The following SATB1 variants were observed in gnomAD, a reference collection of about 807,000 sequenced individuals.
The protein encoded by SATB1 is SATB homeobox 1.
In SATB1, 11 loss-of-function variants were observed where a neutral mutation model predicts 86.9. The observed-to-expected ratio is 0.13, with a 90% CI of 0.08 to 0.21. The LOEUF (loss-of-function observed/expected upper bound fraction) is 0.21. Among genes scored for constraint, SATB1 ranks in the 10% least tolerant of loss-of-function variants. SATB1 has a pLI of 1.00. For missense variants in SATB1, 551 were observed against 937.6 expected (o/e 0.59, Z 5.39); for synonymous variants, 357 against 357.2 (o/e 1.00, Z 0.01).
intron 5 of SATB1, among the ~76,000 whole-genome samples, chr3:18,409,987 C>T (rs1254109673): frequency 2.0e-5 from 3 of 151,986 alleles, no homozygotes; most frequent in Non-Finnish European, 2.9e-5. Context: ...CATAATTATG[C>T]CTACTGGTCT....
intron 9 of SATB1, among the ~76,000 whole-genome samples, chr3:18,375,008 G>C (rs1364695249): frequency 6.6e-6 from 1 of 152,094 alleles, no homozygotes; most frequent in Non-Finnish European, 1.5e-5. Flanking sequence ...GGCCTCCTTT[G>C]ACTCCTCCAC....
At chr3:18,413,125 C>G (rs1429325579) in intron 5 of SATB1, among the ~76,000 whole-genome samples, 3 of 152,140 alleles carry the variant, frequency 2.0e-5, no homozygotes, top group Admixed American at 1.3e-4. Flanking sequence ...GAAAACCTCT[C>G]TCTATAGAAA....
intron 1 of SATB1, chr3:18,421,492 CAT>C (rs891057280): frequency 2.0e-5 from 3 of 151,982 alleles, no homozygotes; most frequent in African/African-American, 7.3e-5. Context: ...ATGAAAAAAA[CAT>C]AAACCATCTC....
upstream of SATB1, among the ~76,000 whole-genome samples, chr3:18,429,077 G>C (rs189591311): frequency 2.0e-3 from 298 of 152,136 alleles, 1 homozygote; most frequent in Non-Finnish European, 2.8e-3. This position sits in a 1 kb window ranked among gnomAD's most constrained non-coding sequence, Gnocchi z 4.1. Context: ...AATTTATGTA[G>C]CATATTGCTC....
Position 18,345,387 on chromosome 3 carries a change from T to G in SATB1, c.*3783A>C, listed in dbSNP as rs1694001892. On this transcript the variant is annotated 3_prime_UTR_variant, in exon 11 of 11. Transcript: ENST00000338745. Reference sequence around the variant, plus strand: ...AAAATGTGGCTCATCTTTTAAACATTAATTTCAAACTATTTTTATTTAACA... The same window carrying G: ...AAAATGTGGCTCATCTTTTAAACATGAATTTCAAACTATTTTTATTTAACA... 6.6e-6 allele frequency: 1 copy of G among 152,110 alleles called. No individual in the cohort carries two copies. Among genetic ancestry groups the G allele is most frequent in the Admixed American group, 6.6e-5 (1 of 15,266 alleles). 9.4% of individuals were successfully genotyped at this position (152,110 alleles called of 1,614,324 possible).
At chr3:18,387,907 T>C (rs1324634027) in intron 7 of SATB1, among the ~76,000 whole-genome samples, 2 of 152,164 alleles carry the variant, frequency 1.3e-5, no homozygotes, top group Non-Finnish European at 2.9e-5. Flanking sequence ...AATTTAAAGA[T>C]AATGTACCAT....
intron 2 of SATB1, chr3:18,434,872 A>T (rs1019502624): frequency 6.6e-6 from 1 of 152,150 alleles, no homozygotes; most frequent in African/African-American, 2.4e-5. Context: ...AAATAAAAAA[A>T]AAAAATAACC....
chr3:18,374,722 C>T (rs539957165), intron 9 of SATB1, among the ~76,000 whole-genome samples: 13 of 152,258 alleles, frequency 8.5e-5, no homozygotes, highest in African/African-American at 2.6e-4. Flanking sequence ...ACCGAAAATA[C>T]ACTGTGCATT....
chr3:18,433,693 AT>A (rs950738286), intron 2 of SATB1, among the ~76,000 whole-genome samples: 1 of 152,096 alleles, frequency 6.6e-6, no homozygotes, highest in Non-Finnish European at 1.5e-5. Context: ...ACATATATTT[AT>A]TATGTGTAAA....
chr3:18,440,875 TTAATA>T (rs1445373126), upstream of SATB1, among the ~76,000 whole-genome samples: 1 of 152,164 alleles, frequency 6.6e-6, no homozygotes, highest in South Asian at 2.1e-4. Context: ...AAATGAATAC[TTAATA>T]TAATAAGCAC....
In SATB1 at chr3:18,420,825, G is replaced by A; in HGVS notation, c.143C>T (p.Thr48Ile). ...AGGCACTCCCTGCATTTTTGCACCT[G>A]TACTCCCAAGCCTTCCTCTTCCTAG... ...SPLGRGRLGSTGAKMQGVPLK... is the reference protein window; with the variant it reads ...SPLGRGRLGSIGAKMQGVPLK... Residue 48 changes from threonine to isoleucine, a missense_variant, in exon 2 of 11, where the codon ACA (threonine) becomes ATA (isoleucine). Thr to Ile is a moderately conservative substitution (Grantham distance 89). Transcript: ENST00000338745. 1 of 1,614,130 alleles carries A rather than the reference G, an allele frequency of 6.2e-7. No individual in the cohort carries two copies. Among genetic ancestry groups the A allele is most frequent in the Non-Finnish European group, 8.5e-7 (1 of 1,180,030 alleles).
Position 18,444,640 on chromosome 3 carries a change from C to G in SATB1, c.-25+878G>C. 1 of 983,512 alleles carries G rather than the reference C, an allele frequency of 1.0e-6. No homozygotes were observed. Among genetic ancestry groups the G allele is most frequent in the Non-Finnish European group, 1.2e-6 (1 of 829,480 alleles). The allele number at this position is 983,512 out of a possible 1,614,324, so 60.9% of individuals were successfully genotyped here. On this transcript the variant is annotated intron_variant, in intron 1 of 3. Coordinates refer to the SATB1 transcript ENST00000415069. The surrounding 1 kb of genome is among the most constrained non-coding windows in gnomAD (Gnocchi z 5.1). The stretch of plus-strand genomic sequence containing the variant: ...GGACGTTGGGGGCGGCGGTGGCTGT[C>G]GAGTGCGGGCCTGAAACCAAGAACG...
intron 9 of SATB1, among the ~76,000 whole-genome samples, chr3:18,356,049 G>A (rs1262889848): frequency 1.3e-5 from 2 of 151,650 alleles, no homozygotes; most frequent in Non-Finnish European, 2.9e-5. Flanking sequence ...TCAAAATCAC[G>A]CCTTGAGCTG....
In SATB1 at chr3:18,397,246, G is replaced by A. The variant is rs368466709; in HGVS notation, c.684C>T (p.Val228=). 43 of 1,612,414 alleles carry A rather than the reference G, an allele frequency of 2.7e-5. No homozygotes were observed. The East Asian group carries it at 3.8e-4, about 14-fold the overall frequency. ...CAAATTCTTGACATTTTGCTGCTGA[G>A]ACATTTGCATAGTAAGTACTGTTCA... ...SIVNSTYYAN[V]SAAKCQEFGR... The change falls in exon 6 of 11, where the codon GTC becomes GTT. Residue 228 remains valine, a synonymous_variant. Coordinates refer to ENST00000338745, the MANE Select transcript of SATB1 (RefSeq NM_002971.6).
chr3:18,371,736 ATAAAGT>A (rs1394814994), intron 9 of SATB1, among the ~76,000 whole-genome samples: 14 of 152,240 alleles, frequency 9.2e-5, no homozygotes, highest in Admixed American at 2.6e-4. Flanking sequence ...AAAAAAGAAG[ATAAAGT>A]TAAAATAAAA....
Position 18,352,531 on chromosome 3 carries a change from A to G in SATB1, c.1576-336T>C. Reference sequence around the variant, plus strand: ...TGCTTCAGTCTTGCACAACTTTGCTATCTGACGAGTGGCTGGCCATCTGAG... The same window carrying G: ...TGCTTCAGTCTTGCACAACTTTGCTGTCTGACGAGTGGCTGGCCATCTGAG... On this transcript the variant is annotated intron_variant, in intron 9 of 10. Transcript: ENST00000338745. The surrounding 1 kb of genome is among the most constrained non-coding windows in gnomAD (Gnocchi z 4.1). The G allele has an allele frequency of 8.5e-6, 2 of 236,596 alleles. No individual in the cohort carries two copies. Among genetic ancestry groups the G allele is most frequent in the South Asian group, 7.1e-5 (1 of 14,026 alleles). 14.7% of individuals were successfully genotyped at this position (236,596 alleles called of 1,614,324 possible). A position where few individuals can be genotyped will look rare whatever the true frequency, so the allele number is the denominator to read the frequency against.
Position 18,378,443 on chromosome 3 carries a change from G to A in SATB1, c.1420-118C>T, listed in dbSNP as rs574598250. 4 of 955,354 alleles carry A rather than the reference G, an allele frequency of 4.2e-6. No homozygotes were observed. In the South Asian group the frequency reaches 6.4e-5, roughly 15 times the overall value. The allele number at this position is 955,354 out of a possible 1,614,324, so 59.2% of individuals were successfully genotyped here. On this transcript the variant is annotated intron_variant, in intron 8 of 10. Coordinates refer to ENST00000338745, the MANE Select transcript of SATB1 (RefSeq NM_002971.6). Reference sequence around the variant, plus strand: ...CCTTTTATGATCAAGGTGATCAACAGTGCAGTCATTCAACATTAGTTATTG... The same window carrying A: ...CCTTTTATGATCAAGGTGATCAACAATGCAGTCATTCAACATTAGTTATTG...
chr3:18,422,881 A>G (rs1559458496), intron 1 of SATB1, among the ~76,000 whole-genome samples: 1 of 152,248 alleles, frequency 6.6e-6, no homozygotes, highest in Non-Finnish European at 1.5e-5. Context: ...ACAGCAAATG[A>G]AAGTGATACA....
intron 1 of SATB1, among the ~76,000 whole-genome samples, chr3:18,423,425 T>C (rs944014124): frequency 3.3e-5 from 5 of 152,198 alleles, no homozygotes; most frequent in Non-Finnish European, 5.9e-5. Flanking sequence ...AATGAGTTTC[T>C]AGCTGGATCG....
Sources: gnomAD v4.1 joint callset for allele counts (sites outside exome capture counted in the v4.1 genomes callset) on GRCh38, gnomAD v4.1.1 for gene constraint, Gnocchi (gnomAD v3.1) non-coding constraint, MANE v1.5 for transcripts, NCBI Gene and HGNC (gene_info 2026-07-23, HGNC 2026-07-21) for gene names.